The following SP4 variants were observed in gnomAD, a reference collection of about 807,000 sequenced individuals.
SP4 encodes Sp4 transcription factor.
A neutral mutation model predicts 72.8 loss-of-function variants in SP4; 19 were observed. The ratio of observed to expected loss-of-function variants is 0.26; its 90% CI spans 0.18 to 0.38. The LOEUF (loss-of-function observed/expected upper bound fraction) is 0.38. Ranked by LOEUF, SP4 falls within the 10% of genes least tolerant of loss-of-function variation. The pLI is 1.00. For missense variants in SP4, 1,008 were observed against 926.3 expected, an observed-to-expected ratio of 1.09 and a Z score of -1.14; for synonymous variants, 395 against 333.1, an observed-to-expected ratio of 1.19 and a Z score of -2.02.
chr7:21,469,781 T>C (rs376209648), intron 3 of SP4, among the ~76,000 whole-genome samples: 9 of 152,240 alleles, frequency 5.9e-5, no homozygotes, highest in African/African-American at 1.9e-4. Context: ...CTCAAACTCC[T>C]GACCTTGTGA....
At chr7:21,453,157 A>C (rs1783653918) in intron 3 of SP4, among the ~76,000 whole-genome samples, 1 of 152,252 alleles carries the variant, frequency 6.6e-6, no homozygotes, top group Non-Finnish European at 1.5e-5. Context: ...GTTTTAAGCA[A>C]AAAGTCATAA....
chr7:21,433,161 A>T (rs933592371), intron 3 of SP4, among the ~76,000 whole-genome samples: 6 of 152,200 alleles, frequency 3.9e-5, no homozygotes, highest in Non-Finnish European at 7.3e-5. Context: ...ACAAGTGTGT[A>T]TTGAGATGGC....
At chr7:21,448,335 A>G (rs1783488871) in intron 3 of SP4, among the ~76,000 whole-genome samples, 1 of 152,220 alleles carries the variant, frequency 6.6e-6, no homozygotes. Context: ...TTTGTGTTTC[A>G]TTAATTATTA....
chr7:21,468,387 C>A (rs1349225285), intron 3 of SP4, among the ~76,000 whole-genome samples: 1 of 152,102 alleles, frequency 6.6e-6, no homozygotes, highest in Admixed American at 6.5e-5. Context: ...TTCTTCCTAT[C>A]CAAGAACATA....
chr7:21,495,619 GC>G (rs1781686109), intron 5 of SP4, among the ~76,000 whole-genome samples: 1 of 152,308 alleles, frequency 6.6e-6, no homozygotes, highest in Admixed American at 6.5e-5. Flanking sequence ...TGGTGAGGAT[GC>G]AGAGCAATTG....
chr7:21,508,785 G>T (rs889706610), intron 5 of SP4, among the ~76,000 whole-genome samples: 2 of 151,604 alleles, frequency 1.3e-5, no homozygotes, highest in Non-Finnish European at 2.9e-5. Flanking sequence ...GTTTGACCTG[G>T]GGTCAGGGCC....
In SP4 at chr7:21,428,188, G is replaced by GGCCCCCCC; in HGVS notation, c.-64_-63insGCCCCCCC. 2 of 371,886 alleles carry GGCCCCCCC rather than the reference G, an allele frequency of 5.4e-6. No individual in the cohort carries two copies. Among genetic ancestry groups the GGCCCCCCC allele is most frequent in the Non-Finnish European group, 1.0e-5 (2 of 198,076 alleles). The allele number at this position is 371,886 out of a possible 1,614,324, so 23.0% of individuals were successfully genotyped here. A position where few individuals can be genotyped will look rare whatever the true frequency, so the allele number is the denominator to read the frequency against. ...CGGGACCGGCCTCTCCTCCCGCCTC[G>GGCCCCCCC]CCCCCACCCCCACCCACCTCTATCC... On this transcript the variant is annotated 5_prime_UTR_variant, in exon 1 of 6. Coordinates refer to ENST00000222584, the MANE Select transcript of SP4 (RefSeq NM_003112.5).
At chr7:21,428,954 C>A in intron 2 of SP4, 162 bp downstream of exon 2, 1 of 653,682 alleles carries the variant, frequency 1.5e-6, no homozygotes, top group Non-Finnish European at 2.7e-6. Flanking sequence ...GTTTTCACCT[C>A]TTTGAGGGTA....
intron 3 of SP4, among the ~76,000 whole-genome samples, chr7:21,474,504 A>G (rs1784438511): frequency 6.6e-6 from 1 of 152,262 alleles, no homozygotes; most frequent in Non-Finnish European, 1.5e-5. Context: ...AGTAGTTTGA[A>G]TAGATTTTGT....
intron 3 of SP4, among the ~76,000 whole-genome samples, chr7:21,460,667 C>G (rs555968666): frequency 1.6e-4 from 24 of 152,236 alleles, no homozygotes; most frequent in African/African-American, 5.8e-4. Context: ...TTTTACAGAG[C>G]GCTGATTGGT....
chr7:21,507,946 G>A (rs1410691681), intron 5 of SP4, among the ~76,000 whole-genome samples: 1 of 152,142 alleles, frequency 6.6e-6, no homozygotes, highest in East Asian at 1.9e-4. Context: ...GTACATCTCA[G>A]TCACACACAC....
Position 21,430,353 on chromosome 7 carries a change from G to A in SP4, c.1188G>A (p.Val396=). The A allele has an allele frequency of 1.2e-6, 2 of 1,614,212 alleles. No homozygotes were observed. The highest frequency in any genetic ancestry group is 8.5e-7 in the Non-Finnish European group (1 of 1,180,042). ...ATCAATCAAATTCTCTTCAGCAGGT[G>A]CAAATTGTAGGCCAACCTATCTTAC... ...AQDQSNSLQQ[V]QIVGQPILQQ... The change falls in exon 3 of 6, where the codon GTG becomes GTA. Residue 396 remains valine (V), a synonymous_variant. Transcript: ENST00000222584.
intron 5 of SP4, among the ~76,000 whole-genome samples, chr7:21,502,669 A>C (rs865937625): frequency 1.3e-5 from 2 of 152,180 alleles, no homozygotes; most frequent in Middle Eastern, 3.4e-3. Context: ...CCATACCCTC[A>C]GTTTTTAAGG....
intron 3 of SP4, among the ~76,000 whole-genome samples, chr7:21,467,224 A>G (rs1000959801): frequency 1.3e-5 from 2 of 152,170 alleles, no homozygotes; most frequent in African/African-American, 2.4e-5. Flanking sequence ...GTCTCCAGAC[A>G]TTGCTGAGTA....
chr7:21,507,937 T>G (rs1782044131), intron 5 of SP4, among the ~76,000 whole-genome samples: 1 of 152,010 alleles, frequency 6.6e-6, no homozygotes, highest in Non-Finnish European at 1.5e-5. Flanking sequence ...ATATCTAGGG[T>G]ACATCTCAGT....
At chr7:21,469,851 C>G (rs1209465704) in intron 3 of SP4, among the ~76,000 whole-genome samples, 1 of 151,450 alleles carries the variant, frequency 6.6e-6, no homozygotes, top group East Asian at 1.9e-4. Context: ...CATGCTGGGC[C>G]TATAATTTTT....
chr7:21,486,809 G>T (rs1363981259), intron 5 of SP4, among the ~76,000 whole-genome samples: 5 of 152,198 alleles, frequency 3.3e-5, no homozygotes, highest in African/African-American at 1.2e-4. Context: ...CATTCAGGGG[G>T]AAGAGAACTA....
At chr7:21,437,875 A>G (rs1023327034) in intron 3 of SP4, among the ~76,000 whole-genome samples, 5 of 152,218 alleles carry the variant, frequency 3.3e-5, no homozygotes, top group South Asian at 2.1e-4. Flanking sequence ...CAGACTCGCA[A>G]ATGTATCAAG....
chr7:21,435,272 AC>A (rs749159895), intron 3 of SP4, among the ~76,000 whole-genome samples: 18 of 152,310 alleles, frequency 1.2e-4, no homozygotes, highest in Admixed American at 1.1e-3. Flanking sequence ...GATACTGCTG[AC>A]CCTTCAAGAA....
Sources: allele counts gnomAD v4.1 joint callset (sites outside exome capture counted in the v4.1 genomes callset), GRCh38; gene constraint gnomAD v4.1.1; transcripts MANE v1.5; gene names NCBI Gene and HGNC (gene_info 2026-07-23, HGNC 2026-07-21).